SNX1: variants seen among roughly 807,000 people sequenced by gnomAD.
SNX1 encodes the protein sorting nexin 1, also known as sorting nexin-1.
In SNX1, 36 loss-of-function variants were observed where a neutral mutation model predicts 71.8. The ratio of observed to expected loss-of-function variants is 0.50; its 90% CI spans 0.38 to 0.66. SNX1 has a LOEUF of 0.66. Ranked by LOEUF, SNX1 falls within the 30% of genes least tolerant of loss-of-function variation. The pLI is 0.00. For missense variants in SNX1, 612 were observed against 646.7 expected (o/e 0.95, Z 0.58); for synonymous variants, 254 against 240.7 (o/e 1.06, Z -0.51).
At chr15:64,124,098 G>A (rs750954426) in intron 5 of SNX1, among the ~76,000 whole-genome samples, 1 of 144,790 alleles carries the variant, frequency 6.9e-6, no homozygotes, top group African/African-American at 2.8e-5. Context: ...TACCTTAGAG[G>A]TGTCCTTTCT....
chr15:64,135,872 A>G (rs1328200027), intron 12 of SNX1, among the ~76,000 whole-genome samples: 2 of 152,140 alleles, frequency 1.3e-5, no homozygotes, highest in African/African-American at 4.8e-5. Context: ...CAGTGAGCCA[A>G]GATCGCACCA....
intron 1 of SNX1, among the ~76,000 whole-genome samples, chr15:64,099,912 A>G (rs1001670341): frequency 2.6e-5 from 4 of 152,120 alleles, no homozygotes; most frequent in African/African-American, 7.2e-5. Context: ...GGGTTTTACC[A>G]TGTTGGCCAG....
intron 8 of SNX1, among the ~76,000 whole-genome samples, chr15:64,128,063 T>G (rs902441097): frequency 6.6e-6 from 1 of 152,228 alleles, no homozygotes; most frequent in Non-Finnish European, 1.5e-5. Flanking sequence ...AGTGATCTAT[T>G]TGGCAGGTCC....
At position 64,096,192 on chromosome 15, in the gene SNX1, G is replaced by A; in HGVS notation, c.159+20G>A. On this transcript the variant is annotated intron_variant, in intron 1 of 14. Coordinates refer to ENST00000559844, the MANE Select transcript of SNX1 (RefSeq NM_003099.5). ...GTGGTCGTGAGTTTGCACCCCTCGGGGTAGCAGGCGGGAGGGCACCCCGAA... is the reference window on the plus strand; with the variant it reads ...GTGGTCGTGAGTTTGCACCCCTCGGAGTAGCAGGCGGGAGGGCACCCCGAA... 1 of 1,545,536 alleles carries A rather than the reference G, an allele frequency of 6.5e-7. No homozygotes were observed. Among genetic ancestry groups the A allele is most frequent in the Non-Finnish European group, 8.7e-7 (1 of 1,145,956 alleles).
At chr15:64,110,028 A>G (rs2081063250) in intron 1 of SNX1, among the ~76,000 whole-genome samples, 1 of 152,324 alleles carries the variant, frequency 6.6e-6, no homozygotes, top group African/African-American at 2.4e-5. Context: ...TCACAGTAGT[A>G]TTTGGTGGAA....
chr15:64,130,418 C>A, intron 10 of SNX1, 97 bp downstream of exon 10: 1 of 1,020,096 alleles, frequency 9.8e-7, no homozygotes, highest in Non-Finnish European at 1.5e-6. Context: ...CTCAGCCATC[C>A]AAGTTGAAAT....
At chr15:64,118,916 A>T in intron 4 of SNX1, 62 bp downstream of exon 4, 1 of 1,297,312 alleles carries the variant, frequency 7.7e-7, no homozygotes, top group Non-Finnish European at 1.1e-6. Context: ...ATAGGTAGCT[A>T]ATTTCAGGAT....
intron 1 of SNX1, among the ~76,000 whole-genome samples, chr15:64,099,242 C>T (rs535951093): frequency 2.0e-5 from 3 of 152,214 alleles, no homozygotes; most frequent in African/African-American, 4.8e-5. Flanking sequence ...AGTTTCCTCA[C>T]GTGTAAAAAG....
chr15:64,104,373 T>C (rs2080996318), intron 1 of SNX1, among the ~76,000 whole-genome samples: 1 of 149,488 alleles, frequency 6.7e-6, no homozygotes, highest in Non-Finnish European at 1.5e-5. Flanking sequence ...CCCGGGTTCA[T>C]GCCATTCTCC....
intron 2 of SNX1, among the ~76,000 whole-genome samples, chr15:64,113,825 T>TAAAG (rs72145809): frequency 1.3e-5 from 2 of 149,034 alleles, no homozygotes; most frequent in African/African-American, 5.0e-5. Context: ...CATCTCAAAA[T>TAAAG]AAAGAAAGAA....
At position 64,144,165 on chromosome 15, in the gene SNX1, T is replaced by C. The variant is rs767266423; in HGVS notation, c.*6547T>C. ...AATTTTTAATACCATTTTGTATTGC[T>C]TAAAATTTGTATGTATTATCGTTAA... On this transcript the variant is annotated 3_prime_UTR_variant, in exon 15 of 15. Transcript: ENST00000559844. The surrounding 1 kb of genome is among the most constrained non-coding windows in gnomAD (Gnocchi z 4.3). 2 of 152,254 alleles carry C rather than the reference T, an allele frequency of 1.3e-5. No homozygotes were observed. Among genetic ancestry groups the C allele is most frequent in the Non-Finnish European group, 2.9e-5 (2 of 68,052 alleles). The allele number at this position is 152,254 out of a possible 1,614,324, so 9.4% of individuals were successfully genotyped here.
Position 64,096,177 on chromosome 15 carries a change from G to C in SNX1, c.159+5G>C, listed in dbSNP as rs756119712. ...TTCACCGGCGCCGCGGTGGTCGTGA[G>C]TTTGCACCCCTCGGGGTAGCAGGCG... is the stretch of plus-strand genomic sequence containing the variant. On this transcript the variant is annotated splice_donor_5th_base_variant and intron_variant, in intron 1 of 14. Coordinates refer to ENST00000559844, the MANE Select transcript of SNX1 (RefSeq NM_003099.5). The C allele has an allele frequency of 5.6e-5, 87 of 1,549,668 alleles. No individual in the cohort carries two copies. Among genetic ancestry groups the C allele is most frequent in the Non-Finnish European group, 7.1e-5 (82 of 1,146,882 alleles).
In SNX1 at chr15:64,142,734, G is replaced by A; in HGVS notation, c.*5116G>A. On this transcript the variant is annotated 3_prime_UTR_variant, in exon 15 of 15. Coordinates refer to ENST00000559844, the MANE Select transcript of SNX1 (RefSeq NM_003099.5). ...GTTTGGGCTCCGGAGTGCTGAAGAT[G>A]AGGACTGGACTTCGAGCTGGTGTGA... is the stretch of plus-strand genomic sequence containing the variant. The A allele has an allele frequency of 2.2e-6, 1 of 456,050 alleles. No homozygotes were observed. Among genetic ancestry groups the A allele is most frequent in the Middle Eastern group, 3.3e-4 (1 of 3,052 alleles). The allele number at this position is 456,050 out of a possible 1,614,324, so 28.3% of individuals were successfully genotyped here. A position where few individuals can be genotyped will look rare whatever the true frequency, so the allele number is the denominator to read the frequency against.
chr15:64,113,841 G>T (rs1001168214), intron 2 of SNX1, among the ~76,000 whole-genome samples: 5 of 150,540 alleles, frequency 3.3e-5, no homozygotes, highest in Non-Finnish European at 7.4e-5. Flanking sequence ...AAGAAAGAAA[G>T]AGAGAGAGAG....
Position 64,138,322 on chromosome 15 carries a change from T to C in SNX1, c.*704T>C, listed in dbSNP as rs2081382338. 5 of 730,780 alleles carry C rather than the reference T, an allele frequency of 6.8e-6. No individual in the cohort carries two copies. The highest frequency in any genetic ancestry group is 9.2e-5 in the Admixed American group (2 of 21,806). 45.3% of individuals were successfully genotyped at this position (730,780 alleles called of 1,614,324 possible). A position where few individuals can be genotyped will look rare whatever the true frequency, so the allele number is the denominator to read the frequency against. ...GCAAAGGAGGCAGAGACTTTCTCTC[T>C]CTCTTTTTTTTTTTTTTTTGGTGTC... On this transcript the variant is annotated 3_prime_UTR_variant, in exon 15 of 15. Coordinates refer to ENST00000559844, the MANE Select transcript of SNX1 (RefSeq NM_003099.5).
In SNX1 at chr15:64,123,431, T is replaced by C. The variant is rs200902744; in HGVS notation, c.467-72T>C. 5 of 1,317,542 alleles carry C rather than the reference T, an allele frequency of 3.8e-6. No homozygotes were observed. The East Asian group carries it at 9.2e-5, about 24-fold the overall frequency. 81.6% of individuals were successfully genotyped at this position (1,317,542 alleles called of 1,614,324 possible). ...GGGTTCCTATGGCTTTTATGATTCCTGGTCAAATGTTAGCTGGATTGGCAC... is the reference window on the plus strand; with the variant it reads ...GGGTTCCTATGGCTTTTATGATTCCCGGTCAAATGTTAGCTGGATTGGCAC... On this transcript the variant is annotated intron_variant, in intron 4 of 14. Coordinates refer to ENST00000559844, the MANE Select transcript of SNX1 (RefSeq NM_003099.5).
intron 1 of SNX1, among the ~76,000 whole-genome samples, chr15:64,102,283 G>A (rs570856058): frequency 7.9e-5 from 12 of 152,182 alleles, no homozygotes; most frequent in African/African-American, 2.6e-4. Flanking sequence ...TGATATAGTT[G>A]TACATATTTT....
In SNX1 at chr15:64,140,933, G is replaced by A. The variant is rs2081405714; in HGVS notation, c.*3315G>A. On this transcript the variant is annotated 3_prime_UTR_variant, in exon 15 of 15. Coordinates refer to ENST00000559844, the MANE Select transcript of SNX1 (RefSeq NM_003099.5). Reference sequence around the variant, plus strand: ...GATCTGGGTGCCAAATGTGCTGCTTGTTACTGGAATGTCATTGCCTCTAGG... The same window carrying A: ...GATCTGGGTGCCAAATGTGCTGCTTATTACTGGAATGTCATTGCCTCTAGG... 6.7e-6 allele frequency: 1 copy of A among 149,764 alleles called. No individual in the cohort carries two copies. Among genetic ancestry groups the A allele is most frequent in the Non-Finnish European group, 1.5e-5 (1 of 67,768 alleles). 9.3% of individuals were successfully genotyped at this position (149,764 alleles called of 1,614,324 possible).
At position 64,112,654 on chromosome 15, in the gene SNX1, C is replaced by G. The variant is rs377404172; in HGVS notation, c.241C>G (p.Gln81Glu). 1.2e-6 allele frequency: 2 copies of G among 1,612,318 alleles called. No individual in the cohort carries two copies. Among genetic ancestry groups the G allele is most frequent in the Middle Eastern group, 1.7e-4 (1 of 6,058 alleles). ...GSKENGIHEE[Q>E]DQEPQDLFAD... ...CAAAGAAAATGGGATCCATGAAGAA[C>G]AAGACCAAGAGCCACAGGATCTCTT... is the stretch of plus-strand genomic sequence containing the variant. Residue 81 changes from glutamine (Q) to glutamate (E), a missense_variant, in exon 2 of 15, where the codon CAA becomes GAA. Transcript: ENST00000559844.
Sources: allele counts gnomAD v4.1 joint callset (sites outside exome capture counted in the v4.1 genomes callset), GRCh38; gene constraint gnomAD v4.1.1; non-coding constraint Gnocchi (gnomAD v3.1); transcripts MANE v1.5; gene names NCBI Gene and HGNC (gene_info 2026-07-23, HGNC 2026-07-21).